PRDM15: variants seen among roughly 807,000 people sequenced by gnomAD.
PRDM15 encodes the protein PR domain zinc finger protein 15.
In PRDM15, 64 loss-of-function variants were observed where a neutral mutation model predicts 128.6. The ratio of observed to expected loss-of-function variants is 0.50; its 90% CI spans 0.41 to 0.61. PRDM15 has a LOEUF of 0.61. PRDM15 is among the 20% of genes least tolerant of loss of function. The pLI is 0.00. For missense variants in PRDM15, 1,242 were observed against 1,569.1 expected (o/e 0.79, Z 3.52); for synonymous variants, 615 against 621.8 (o/e 0.99, Z 0.16).
chr21:41,814,214 A>T (rs2061963581), intron 19 of PRDM15: 1 of 64,508 alleles, frequency 1.6e-5, no homozygotes, highest in Non-Finnish European at 3.1e-5. Flanking sequence ...GTTTTATGAG[A>T]ATGCCTCGTG....
chr21:41,803,037 G>A, intron 22 of PRDM15, 116 bp from the exon 23 acceptor site: 1 of 783,082 alleles, frequency 1.3e-6, no homozygotes, highest in South Asian at 1.4e-5. Flanking sequence ...ACGCTTGTGG[G>A]CCACCGAGCT....
At chr21:41,802,627 AAG>A in intron 23 of PRDM15, 83 bp downstream of exon 23, 1 of 1,122,512 alleles carries the variant, frequency 8.9e-7, no homozygotes, top group African/African-American at 1.5e-5. Flanking sequence ...GTATAGTAAA[AAG>A]AGATGGAGTC....
chr21:41,833,873 C>T (rs930069431), intron 11 of PRDM15, among the ~76,000 whole-genome samples: 1 of 152,212 alleles, frequency 6.6e-6, no homozygotes, highest in African/African-American at 2.4e-5. Flanking sequence ...GTCTGCCTCA[C>T]CAGAGCGCCT....
chr21:41,858,322 C>A (rs936516861), intron 3 of PRDM15, among the ~76,000 whole-genome samples: 2 of 151,992 alleles, frequency 1.3e-5, no homozygotes, highest in African/African-American at 4.8e-5. Context: ...CGGACAGAGG[C>A]GGACATTGGG....
rs942953626 is a variant in PRDM15 at position 41,832,301 on chromosome 21, C to T, written c.1366+3136G>A. ...CTTTGTGAAAGGCCACACCTTACAG[C>T]GCTGTGGCATCAGATTGCCACAGGC... On this transcript the variant is annotated intron_variant, in intron 11 of 23. Coordinates refer to ENST00000398548, the MANE Select transcript of PRDM15 (RefSeq NM_001040424.3). The surrounding 1 kb of genome is among the most constrained non-coding windows in gnomAD (Gnocchi z 4.2). 5.3e-5 allele frequency among the ~76,000 whole-genome samples: 8 copies of T among 152,206 alleles called. No individual in the cohort carries two copies. Among genetic ancestry groups the T allele is most frequent in the African/African-American group, 1.2e-4 (5 of 41,538 alleles).
intron 11 of PRDM15, among the ~76,000 whole-genome samples, chr21:41,831,172 GAAAGCTGCCATTTGTGC>G (rs2062677032): frequency 6.6e-6 from 1 of 152,248 alleles, no homozygotes; most frequent in Admixed American, 6.5e-5. Context: ...AAACTGCACT[GAAAGCTGCCATTTGTGC>G]AAAGCAGCCG....
At chr21:41,834,405 C>CA in intron 11 of PRDM15, 1 of 1,120,728 alleles carries the variant, frequency 8.9e-7, no homozygotes, top group Non-Finnish European at 1.3e-6. Flanking sequence ...GCCCTGTTCT[C>CA]AACACAGGGG....
At chr21:41,856,453 G>A (rs532634320) in intron 4 of PRDM15, among the ~76,000 whole-genome samples, 2 of 151,500 alleles carry the variant, frequency 1.3e-5, no homozygotes, top group East Asian at 1.9e-4. Context: ...CCATTTCAAG[G>A]GTCTCTAAGA....
Position 41,876,148 on chromosome 21 carries a change from A to G in PRDM15, c.-10+3122T>C, listed in dbSNP as rs893837422. 2.0e-5 allele frequency among the ~76,000 whole-genome samples: 3 copies of G among 152,234 alleles called. 1 individual carries two copies. In the East Asian group the frequency reaches 5.8e-4, roughly 29 times the overall value. ...GGTATATGCGGTCCACCATTGAACCATATCTCCTTTTCACAGTGTGACTAC... is the reference window on the plus strand; with the variant it reads ...GGTATATGCGGTCCACCATTGAACCGTATCTCCTTTTCACAGTGTGACTAC... On this transcript the variant is annotated intron_variant, in intron 1 of 23. Coordinates refer to ENST00000398548, the MANE Select transcript of PRDM15 (RefSeq NM_001040424.3).
chr21:41,872,644 G>C (rs1222506846), intron 1 of PRDM15, among the ~76,000 whole-genome samples: 1 of 152,112 alleles, frequency 6.6e-6, no homozygotes, highest in Non-Finnish European at 1.5e-5. Context: ...TCTCAAACAT[G>C]TATCATCTCT....
At chr21:41,877,848 T>A (rs1055078491) in intron 1 of PRDM15, among the ~76,000 whole-genome samples, 4 of 151,862 alleles carry the variant, frequency 2.6e-5, no homozygotes, top group Non-Finnish European at 5.9e-5. Context: ...AAAGTATGAA[T>A]CACAGATAGA....
In PRDM15 at chr21:41,799,236, T is replaced by C. The variant is rs2061363617; in HGVS notation, c.*2004A>G. 6.6e-6 allele frequency: 1 copy of C among 152,210 alleles called. No homozygotes were observed. Among genetic ancestry groups the C allele is most frequent in the Admixed American group, 6.5e-5 (1 of 15,286 alleles). The allele number at this position is 152,210 out of a possible 1,614,324, so 9.4% of individuals were successfully genotyped here. On this transcript the variant is annotated 3_prime_UTR_variant, in exon 24 of 24. Coordinates refer to ENST00000398548, the MANE Select transcript of PRDM15 (RefSeq NM_001040424.3). Reference sequence around the variant, plus strand: ...AGTCTCTGCGAGGTCATTTGCCCTTTAGATTCTGCAAAGGCAAAAAGAAAT... The same window carrying C: ...AGTCTCTGCGAGGTCATTTGCCCTTCAGATTCTGCAAAGGCAAAAAGAAAT...
intron 18 of PRDM15, among the ~76,000 whole-genome samples, chr21:41,816,633 T>G (rs1234541092): frequency 6.6e-6 from 1 of 152,192 alleles, no homozygotes; most frequent in Non-Finnish European, 1.5e-5. Flanking sequence ...GGTTCCCCTG[T>G]GATTCCACCC....
chr21:41,829,825 A>G (rs1292303689), intron 11 of PRDM15, among the ~76,000 whole-genome samples: 2 of 151,102 alleles, frequency 1.3e-5, no homozygotes, highest in Non-Finnish European at 3.0e-5. Context: ...CACACCCCAC[A>G]TACACACATT....
Position 41,810,313 on chromosome 21 carries a change from C to A in PRDM15, c.2493G>T (p.Thr831=), listed in dbSNP as rs146699277. The part of the protein sequence containing the change: ...KLIHTVGKQW[T]CSVCDKKYVT... ...CGTACTTCTTGTCGCACACGGAGCA[C>A]GTCCACTGCTTGCCCACTTTTCACA... The change falls in exon 21 of 24, where the codon ACG becomes ACT. Residue 831 remains threonine (T), a synonymous_variant. Coordinates refer to ENST00000398548, the MANE Select transcript of PRDM15 (RefSeq NM_001040424.3). This position sits in a 1 kb window ranked among gnomAD's most constrained non-coding sequence, Gnocchi z 6.4. 6.2e-7 allele frequency: 1 copy of A among 1,613,068 alleles called. No individual in the cohort carries two copies. Among genetic ancestry groups the A allele is most frequent in the Non-Finnish European group, 8.5e-7 (1 of 1,179,684 alleles).
intron 5 of PRDM15, among the ~76,000 whole-genome samples, chr21:41,850,778 C>T (rs950478498): frequency 2.6e-5 from 4 of 152,058 alleles, no homozygotes; most frequent in African/African-American, 9.7e-5. Context: ...AAGTAAAATC[C>T]ACTACCAGAA....
chr21:41,818,204 T>A (rs1220799896), intron 18 of PRDM15, among the ~76,000 whole-genome samples: 1 of 152,176 alleles, frequency 6.6e-6, no homozygotes, highest in East Asian at 1.9e-4. Flanking sequence ...GCTGGGAGCT[T>A]AAGGCAGACG....
intron 1 of PRDM15, chr21:41,878,899 C>G (rs1455470513): frequency 1.5e-4 from 147 of 954,738 alleles, no homozygotes; most frequent in Middle Eastern, 1.1e-3. Flanking sequence ...CCGGCAGCCC[C>G]GCGGCCCCGC....
intron 7 of PRDM15, among the ~76,000 whole-genome samples, chr21:41,839,189 G>A (rs1236376617): frequency 6.6e-6 from 1 of 152,246 alleles, no homozygotes; most frequent in Non-Finnish European, 1.5e-5. Flanking sequence ...GCACTGTTCA[G>A]CAATCCAGGA....
Sources: allele counts gnomAD v4.1 joint callset (sites outside exome capture counted in the v4.1 genomes callset), GRCh38; gene constraint gnomAD v4.1.1; non-coding constraint Gnocchi (gnomAD v3.1); transcripts MANE v1.5; gene names NCBI Gene and HGNC (gene_info 2026-07-23, HGNC 2026-07-21).